RERG: variants seen among roughly 807,000 people sequenced by gnomAD.
The protein encoded by RERG is RAS like estrogen regulated growth inhibitor.
In RERG, 25 loss-of-function variants were observed where a neutral mutation model predicts 23.2. That is an observed-to-expected ratio of 1.08 (90% CI 0.79 to 1.50). RERG has a LOEUF of 1.50. Among genes scored for constraint, RERG ranks in the 40% most tolerant of loss-of-function variants. RERG has a pLI of 0.00. For synonymous variants in RERG, 81 were observed against 89.1 expected, an observed-to-expected ratio of 0.91 and a Z score of 0.51; for missense variants, 253 against 250.1, an observed-to-expected ratio of 1.01 and a Z score of -0.08.
intron 2 of RERG, among the ~76,000 whole-genome samples, chr12:15,127,546 C>A (rs1863970615): frequency 6.6e-6 from 1 of 152,092 alleles, no homozygotes; most frequent in Admixed American, 6.5e-5. Context: ...GAATTGCTAC[C>A]CCTGACCTCA....
chr12:15,127,229 C>G (rs188915963), intron 2 of RERG, among the ~76,000 whole-genome samples: 2 of 152,278 alleles, frequency 1.3e-5, no homozygotes, highest in Admixed American at 1.3e-4. Flanking sequence ...AGAGATTAAG[C>G]CTTGTTCATC....
intron 2 of RERG, among the ~76,000 whole-genome samples, chr12:15,143,943 G>T (rs150117241): frequency 1.3e-5 from 2 of 152,218 alleles, no homozygotes; most frequent in East Asian, 3.9e-4. Flanking sequence ...AGAAGAAAGG[G>T]CAAGTGTAGA....
At chr12:15,145,212 G>A (rs1234712917) in intron 2 of RERG, among the ~76,000 whole-genome samples, 1 of 151,946 alleles carries the variant, frequency 6.6e-6, no homozygotes, top group Admixed American at 6.5e-5. Context: ...CACTCTTTCT[G>A]GACTAGGAAG....
At chr12:15,152,924 C>T (rs993019655) in intron 2 of RERG, among the ~76,000 whole-genome samples, 8 of 152,036 alleles carry the variant, frequency 5.3e-5, no homozygotes, top group Non-Finnish European at 2.9e-5. Context: ...TGATGTTATG[C>T]TACTTAGGAA....
intron 2 of RERG, among the ~76,000 whole-genome samples, chr12:15,195,261 G>A (rs192538353): frequency 6.6e-6 from 1 of 152,052 alleles, no homozygotes; most frequent in East Asian, 1.9e-4. Flanking sequence ...CGACTGGGAT[G>A]AGCCCAAGCT....
intron 2 of RERG, among the ~76,000 whole-genome samples, chr12:15,170,698 C>A (rs947242437): frequency 2.0e-5 from 3 of 152,178 alleles, no homozygotes; most frequent in Admixed American, 2.0e-4. Flanking sequence ...AGTGTGAAGG[C>A]ACACTGAGCA....
chr12:15,196,865 A>G (rs1865152025), intron 2 of RERG, among the ~76,000 whole-genome samples: 1 of 152,156 alleles, frequency 6.6e-6, no homozygotes. Context: ...CACTGAAACG[A>G]AACAGTCGTA....
chr12:15,134,495 A>G (rs1864109971), intron 2 of RERG, among the ~76,000 whole-genome samples: 1 of 152,068 alleles, frequency 6.6e-6, no homozygotes, highest in Admixed American at 6.6e-5. Flanking sequence ...GATATTATAC[A>G]GTCTTCTGAT....
intron 2 of RERG, among the ~76,000 whole-genome samples, chr12:15,187,792 C>A (rs919706654): frequency 2.0e-5 from 3 of 151,892 alleles, no homozygotes; most frequent in Non-Finnish European, 4.4e-5. Flanking sequence ...CTCCTGACCT[C>A]AAGTGATCCA....
At chr12:15,184,325 G>A (rs1429373069) in intron 2 of RERG, among the ~76,000 whole-genome samples, 5 of 152,072 alleles carry the variant, frequency 3.3e-5, no homozygotes, top group Non-Finnish European at 5.9e-5. Context: ...TAAACAAGAG[G>A]GAAAAATATT....
intron 2 of RERG, among the ~76,000 whole-genome samples, chr12:15,210,988 C>G (rs1865358507): frequency 6.6e-6 from 1 of 152,128 alleles, no homozygotes; most frequent in Non-Finnish European, 1.5e-5. Context: ...ACCAACTACA[C>G]AAGAAATCAA....
intron 2 of RERG, among the ~76,000 whole-genome samples, chr12:15,122,163 C>T (rs1402020363): frequency 2.0e-5 from 3 of 152,126 alleles, no homozygotes; most frequent in Non-Finnish European, 2.9e-5. Context: ...TCCATAGACC[C>T]CTGATGGCCT....
intron 2 of RERG, among the ~76,000 whole-genome samples, chr12:15,215,149 T>A (rs1264463902): frequency 6.6e-6 from 1 of 152,128 alleles, no homozygotes; most frequent in African/African-American, 2.4e-5. Context: ...CAAAGAAGAT[T>A]TGAATGTTAG....
intron 1 of RERG, among the ~76,000 whole-genome samples, chr12:15,219,817 G>A (rs1238822754): frequency 6.6e-6 from 1 of 152,106 alleles, no homozygotes; most frequent in African/African-American, 2.4e-5. Context: ...TTTCATGAAA[G>A]TAGCCATCAA....
At chr12:15,161,994 G>C (rs1864621889) in intron 2 of RERG, among the ~76,000 whole-genome samples, 1 of 152,170 alleles carries the variant, frequency 6.6e-6, no homozygotes, top group Non-Finnish European at 1.5e-5. Context: ...TACCTGGTAA[G>C]GAGATTCGAG....
At chr12:15,125,889 G>C (rs1863928325) in intron 2 of RERG, among the ~76,000 whole-genome samples, 2 of 151,524 alleles carry the variant, frequency 1.3e-5, no homozygotes, top group African/African-American at 2.4e-5. Flanking sequence ...CTTCCTTATA[G>C]TGTGGAATAT....
intron 2 of RERG, among the ~76,000 whole-genome samples, chr12:15,202,959 T>G (rs1368622045): frequency 2.6e-5 from 4 of 151,712 alleles, no homozygotes. Context: ...TCATCAACAC[T>G]TCTTGTCTTT....
At chr12:15,141,848 T>C (rs1864243404) in intron 2 of RERG, among the ~76,000 whole-genome samples, 1 of 152,256 alleles carries the variant, frequency 6.6e-6, no homozygotes, top group African/African-American at 2.4e-5. Context: ...TATCCAGCTA[T>C]TATTCTTGCG....
At chr12:15,113,401 C>T (rs898986016) in intron 3 of RERG, among the ~76,000 whole-genome samples, 7 of 151,858 alleles carry the variant, frequency 4.6e-5, no homozygotes, top group Non-Finnish European at 1.0e-4. Flanking sequence ...ACAATACTGC[C>T]ATTAAATTAA....
Sources: allele counts gnomAD v4.1 joint callset (sites outside exome capture counted in the v4.1 genomes callset), GRCh38; gene constraint gnomAD v4.1.1; transcripts MANE v1.5; gene names NCBI Gene and HGNC (gene_info 2026-07-23, HGNC 2026-07-21).